The following ERG variants were observed in gnomAD, a reference collection of about 807,000 sequenced individuals.
ERG encodes the protein transcriptional regulator ERG.
In ERG, 9 loss-of-function variants were observed where a neutral mutation model predicts 55.3. That is an observed-to-expected ratio of 0.16 (90% CI 0.10 to 0.28). The LOEUF (loss-of-function observed/expected upper bound fraction) is 0.28. ERG is among the 10% of genes least tolerant of loss of function. The probability of loss-of-function intolerance (pLI) is 1.00; values close to 1 mark genes in which losing one functional copy is unlikely to be tolerated. For synonymous variants in ERG, 223 were observed against 237.3 expected (o/e 0.94, Z 0.55); for missense variants, 434 against 631.6 (o/e 0.69, Z 3.35).
At chr21:38,641,579 C>A (rs1050912496) in intron 1 of ERG, among the ~76,000 whole-genome samples, 1 of 152,120 alleles carries the variant, frequency 6.6e-6, no homozygotes, top group Non-Finnish European at 1.5e-5. Flanking sequence ...ATGTTAGTAA[C>A]ACAGTCATGT....
intron 3 of ERG, among the ~76,000 whole-genome samples, chr21:38,413,003 G>A (rs1000403362): frequency 3.9e-5 from 6 of 152,120 alleles, no homozygotes; most frequent in African/African-American, 1.4e-4. Flanking sequence ...AGAGTTCCTG[G>A]CACACACTGT....
intron 3 of ERG, among the ~76,000 whole-genome samples, chr21:38,418,927 CAAAAAA>C (rs35001409): frequency 2.5e-5 from 2 of 80,922 alleles, no homozygotes; most frequent in Non-Finnish European, 4.8e-5. Context: ...GACTTTGTCT[CAAAAAA>C]AAAAAAAAAA....
At chr21:38,639,088 G>A (rs1394037323) in intron 1 of ERG, among the ~76,000 whole-genome samples, 2 of 152,046 alleles carry the variant, frequency 1.3e-5, no homozygotes, top group Admixed American at 6.6e-5. Flanking sequence ...TCTCCCCCAG[G>A]AGATGCTGAC....
In ERG at chr21:38,548,614, A is replaced by AT. The variant is rs58333375; in HGVS notation, c.-41+27047dup. 1.3e-3 allele frequency among the ~76,000 whole-genome samples: 138 copies of AT among 107,160 alleles called. 1 individual carries two copies. Among genetic ancestry groups the AT allele is most frequent in the African/African-American group, 2.2e-3 (58 of 26,804 alleles). The allele number at this position is 107,160 out of a possible 152,430, so 70.3% of individuals were successfully genotyped here. Reference sequence around the variant, plus strand: ...AGGCACCCGCCACCACGCCCGGCTAATTTTTTTTTTTTTTTTTTTTTTTGC... The same window carrying AT: ...AGGCACCCGCCACCACGCCCGGCTAATTTTTTTTTTTTTTTTTTTTTTTTGC... On this transcript the variant is annotated intron_variant, in intron 2 of 8. Coordinates refer to the ERG transcript ENST00000398897.
intron 2 of ERG, among the ~76,000 whole-genome samples, chr21:38,553,847 A>C (rs12483176): frequency 0.46 from 69,928 of 151,908 alleles, 18,801 homozygotes; most frequent in Non-Finnish European, 0.62. Flanking sequence ...AATTAAACTA[A>C]AGAGCTTCTG....
chr21:38,426,494 A>G (rs963579845), intron 2 of ERG, among the ~76,000 whole-genome samples: 2 of 152,126 alleles, frequency 1.3e-5, no homozygotes, highest in African/African-American at 4.8e-5. Flanking sequence ...AATCTAGACA[A>G]CCTTTGTTCA....
intron 1 of ERG, among the ~76,000 whole-genome samples, chr21:38,481,426 A>G (rs1168718187): frequency 6.6e-6 from 1 of 152,232 alleles, no homozygotes; most frequent in Non-Finnish European, 1.5e-5. Context: ...AGATAATAGA[A>G]TACTTCAGAT....
At chr21:38,467,158 A>C (rs1270874886) in intron 1 of ERG, among the ~76,000 whole-genome samples, 1 of 152,194 alleles carries the variant, frequency 6.6e-6, no homozygotes, top group Non-Finnish European at 1.5e-5. Flanking sequence ...GTTCAAGCAG[A>C]AACATCCAAC....
At chr21:38,513,912 G>A (rs1486202047) in intron 2 of ERG, among the ~76,000 whole-genome samples, 1 of 151,590 alleles carries the variant, frequency 6.6e-6, no homozygotes, top group Non-Finnish European at 1.5e-5. Context: ...AAAGAGGGAA[G>A]GTTAAAATAA....
At chr21:38,480,938 T>A (rs2059233343) in intron 1 of ERG, among the ~76,000 whole-genome samples, 1 of 152,168 alleles carries the variant, frequency 6.6e-6, no homozygotes, top group African/African-American at 2.4e-5. Flanking sequence ...CAAAATCTAA[T>A]TTTTGGTATA....
At chr21:38,385,890 G>A (rs1482060915) in intron 9 of ERG, among the ~76,000 whole-genome samples, 1 of 152,146 alleles carries the variant, frequency 6.6e-6, no homozygotes, top group Non-Finnish European at 1.5e-5. Flanking sequence ...TGATTTAACA[G>A]TCTAACAGAT....
chr21:38,434,996 C>G (rs1206716418), intron 2 of ERG, among the ~76,000 whole-genome samples: 1 of 152,092 alleles, frequency 6.6e-6, no homozygotes, highest in East Asian at 1.9e-4. Flanking sequence ...CTGAATGTTC[C>G]TTTTGGTTTA....
intron 1 of ERG, among the ~76,000 whole-genome samples, chr21:38,624,498 G>A (rs959674290): frequency 1.3e-5 from 2 of 152,164 alleles, no homozygotes; most frequent in Non-Finnish European, 2.9e-5. Flanking sequence ...TCATCCCGGC[G>A]AACTCCTGCC....
chr21:38,535,711 A>G (rs889907055), intron 2 of ERG, among the ~76,000 whole-genome samples: 4 of 152,176 alleles, frequency 2.6e-5, no homozygotes, highest in African/African-American at 7.2e-5. Flanking sequence ...TCACTGCTGA[A>G]AACTGCTATA....
intron 1 of ERG, among the ~76,000 whole-genome samples, chr21:38,455,189 C>A: frequency 6.7e-6 from 1 of 150,112 alleles, no homozygotes. Context: ...GAAGAAAAGT[C>A]TTTTCTTCCA....
intron 2 of ERG, among the ~76,000 whole-genome samples, chr21:38,567,021 T>A (rs1465917327): frequency 6.6e-6 from 1 of 152,186 alleles, no homozygotes; most frequent in Non-Finnish European, 1.5e-5. Context: ...ATTAAGTTGG[T>A]GCCCCCTACT....
At chr21:38,402,788 A>C in intron 4 of ERG, 151 bp from the exon 5 acceptor site, 2 of 613,034 alleles carry the variant, frequency 3.3e-6, no homozygotes, top group Non-Finnish European at 5.5e-6. Flanking sequence ...CATCATGGGA[A>C]GCTTATAACT....
chr21:38,434,298 T>G (rs754444871), intron 2 of ERG, among the ~76,000 whole-genome samples: 2 of 152,132 alleles, frequency 1.3e-5, no homozygotes, highest in Non-Finnish European at 2.9e-5. Context: ...AAAGACCACA[T>G]TCCACATCAC....
At chr21:38,443,830 A>C (rs945790636) in intron 2 of ERG, among the ~76,000 whole-genome samples, 2 of 152,126 alleles carry the variant, frequency 1.3e-5, no homozygotes, top group Non-Finnish European at 2.9e-5. Flanking sequence ...TGGACCCATC[A>C]TTGCATTTTC....
Sources: allele counts gnomAD v4.1 joint callset (sites outside exome capture counted in the v4.1 genomes callset), GRCh38; gene constraint gnomAD v4.1.1; transcripts MANE v1.5; gene names NCBI Gene and HGNC (gene_info 2026-07-23, HGNC 2026-07-21).